The following MMP2 variants were observed in gnomAD, a reference collection of about 807,000 sequenced individuals.
MMP2 encodes the protein 72 kDa type IV collagenase.
MMP2 carries 39 observed loss-of-function variants against 74.8 expected under a neutral mutation model. The ratio of observed to expected loss-of-function variants is 0.52; its 90% CI spans 0.40 to 0.68. MMP2 has a LOEUF of 0.68. Among genes scored for constraint, MMP2 ranks in the 30% least tolerant of loss-of-function variants. MMP2 has a pLI of 0.00. For missense variants in MMP2, 803 were observed against 878.3 expected (o/e 0.91, Z 1.08); for synonymous variants, 367 against 339.8 (o/e 1.08, Z -0.88).
intron 12 of MMP2, 104 bp from the exon 13 acceptor site, chr16:55,505,235 A>G: frequency 1.0e-6 from 1 of 994,882 alleles, no homozygotes; most frequent in Non-Finnish European, 1.6e-6. Flanking sequence ...TCTCGTTTAA[A>G]AGCTTCTTCC....
rs1215759211 is a variant in MMP2 at position 55,489,715 on chromosome 16, C to G, written c.1071C>G (p.Gly357=). ...GTGTCTTCCCCTTCACTTTCCTGGG[C>G]AACAAATATGAGAGCTGCACCAGCG... ...APCVFPFTFL[G]NKYESCTSAG... is the part of the protein sequence containing the mutation. The change falls in exon 7 of 13, where the codon GGC becomes GGG. Residue 357 remains glycine, a synonymous_variant. Coordinates refer to ENST00000219070, the MANE Select transcript of MMP2 (RefSeq NM_004530.6). 11 of 1,613,980 alleles carry G rather than the reference C, an allele frequency of 6.8e-6. No individual in the cohort carries two copies. The South Asian group carries it at 1.1e-4, about 16-fold the overall frequency.
At chr16:55,499,217 A>T (rs1044872894) in intron 11 of MMP2, among the ~76,000 whole-genome samples, 6 of 152,032 alleles carry the variant, frequency 3.9e-5, no homozygotes, top group Admixed American at 6.6e-5. Flanking sequence ...GCTTGGAGTC[A>T]CATAGCCAGG....
At chr16:55,498,555 C>A in intron 11 of MMP2, 107 bp downstream of exon 11, 1 of 1,435,940 alleles carries the variant, frequency 7.0e-7, no homozygotes, top group Non-Finnish European at 9.8e-7. Flanking sequence ...TTGGTGGGCT[C>A]TGGATGCCCT....
At chr16:55,505,229 G>A (rs1056262661) in intron 12 of MMP2, 110 bp from the exon 13 acceptor site, 30 of 954,472 alleles carry the variant, frequency 3.1e-5, no homozygotes, top group Middle Eastern at 2.1e-4. Flanking sequence ...CTCTCTTCTC[G>A]TTTAAAAGCT....
In MMP2 at chr16:55,498,286, C is replaced by T; in HGVS notation, c.1610-3C>T. The T allele has an allele frequency of 6.2e-7, 1 of 1,614,082 alleles. No individual in the cohort carries two copies. The highest frequency in any genetic ancestry group is 8.5e-7 in the Non-Finnish European group (1 of 1,180,012). ...GCCAACACACCCTTTGCTTCCACCC[C>T]AGGGAATGAATACTGGATCTACTCA... is the stretch of plus-strand genomic sequence containing the variant. On this transcript the variant is annotated splice_region_variant and splice_polypyrimidine_tract_variant and intron_variant, in intron 10 of 12. Transcript: ENST00000219070.
At chr16:55,487,264 T>C (rs1962282403) in intron 5 of MMP2, 1 of 152,250 alleles carries the variant, frequency 6.6e-6, no homozygotes, top group South Asian at 2.1e-4. Flanking sequence ...CAGAGATTGT[T>C]GTTACTCAGC....
intron 11 of MMP2, among the ~76,000 whole-genome samples, chr16:55,500,934 A>G (rs889736832): frequency 6.6e-6 from 1 of 152,196 alleles, no homozygotes; most frequent in Non-Finnish European, 1.5e-5. Flanking sequence ...CCACAAATAT[A>G]TGTTCCACAT....
intron 6 of MMP2, 39 bp downstream of exon 6, chr16:55,488,755 C>A (rs759051585): frequency 6.4e-7 from 1 of 1,553,706 alleles, no homozygotes; most frequent in South Asian, 1.2e-5. Context: ...GGGCCCAGCA[C>A]CTGCTGTCTG....
At chr16:55,503,496 T>C (rs929614387) in intron 12 of MMP2, among the ~76,000 whole-genome samples, 20 of 150,446 alleles carry the variant, frequency 1.3e-4, no homozygotes, top group Middle Eastern at 3.5e-3. Flanking sequence ...TCAACTAAAT[T>C]CCACAGATTT....
chr16:55,499,603 G>A (rs1293934559), intron 11 of MMP2, among the ~76,000 whole-genome samples: 1 of 152,214 alleles, frequency 6.6e-6, no homozygotes, highest in Non-Finnish European at 1.5e-5. Context: ...ATATCCAGGA[G>A]TGGCTGGTGA....
chr16:55,483,605 G>A (rs556283375), intron 2 of MMP2, among the ~76,000 whole-genome samples: 7 of 152,298 alleles, frequency 4.6e-5, no homozygotes, highest in Admixed American at 6.5e-5. Context: ...ATTGGGCCAA[G>A]AGCTGTGCTC....
At chr16:55,493,485 C>T (rs575815262) in intron 9 of MMP2, among the ~76,000 whole-genome samples, 192 bp downstream of exon 9, 1 of 152,196 alleles carries the variant, frequency 6.6e-6, no homozygotes, top group Non-Finnish European at 1.5e-5. Flanking sequence ...TTTGTTTGCT[C>T]TCTCATAGTC....
At chr16:55,500,491 GCATACA>G (rs1183456411) in intron 11 of MMP2, among the ~76,000 whole-genome samples, 1 of 49,300 alleles carries the variant, frequency 2.0e-5, no homozygotes, top group Admixed American at 2.2e-4. Context: ...GCGCATGTGC[GCATACA>G]CACACACACA....
Position 55,505,754 on chromosome 16 carries a change from C to T in MMP2, c.*312C>T, listed in dbSNP as rs1962785980. On this transcript the variant is annotated 3_prime_UTR_variant, in exon 13 of 13. Coordinates refer to ENST00000219070, the MANE Select transcript of MMP2 (RefSeq NM_004530.6). ...TTTGGGCTGCCCTGGTGCTGCCACA[C>T]TTCAGGCTCTTCTCCTTTCACAACC... 2.3e-6 allele frequency: 1 copy of T among 427,474 alleles called. No homozygotes were observed. The highest frequency in any genetic ancestry group is 3.6e-5 in the Admixed American group (1 of 28,062). The allele number at this position is 427,474 out of a possible 1,614,324, so 26.5% of individuals were successfully genotyped here.
chr16:55,502,391 A>T (rs1194320590), intron 11 of MMP2, among the ~76,000 whole-genome samples: 1 of 152,216 alleles, frequency 6.6e-6, no homozygotes, highest in East Asian at 1.9e-4. Context: ...GAGGCTCTGC[A>T]TGTGCTGTTT....
In MMP2 at chr16:55,489,736, C is replaced by G; in HGVS notation, c.1092C>G (p.Thr364=). The part of the protein sequence containing the change: ...TFLGNKYESC[T]SAGRSDGKMW... ...TGGGCAACAAATATGAGAGCTGCAC[C>G]AGCGCCGGCCGCAGTGACGGAAAGA... Residue 364 remains threonine, a synonymous_variant, in exon 7 of 13, where the codon ACC becomes ACG. Transcript: ENST00000219070. The G allele has an allele frequency of 6.2e-7, 1 of 1,614,156 alleles. No individual in the cohort carries two copies. Among genetic ancestry groups the G allele is most frequent in the Non-Finnish European group, 8.5e-7 (1 of 1,180,038 alleles).
At chr16:55,493,438 A>G (rs1962463519) in intron 9 of MMP2, 145 bp downstream of exon 9, 2 of 1,150,506 alleles carry the variant, frequency 1.7e-6, no homozygotes, top group African/African-American at 1.5e-5. Flanking sequence ...TGTGTATCAA[A>G]CAACCTCCAG....
intron 7 of MMP2, 23 bp from the exon 8 acceptor site, chr16:55,491,778 T>C: frequency 1.9e-6 from 3 of 1,614,064 alleles, no homozygotes; most frequent in South Asian, 1.1e-5. Flanking sequence ...CTTTCAACCC[T>C]CTCTCCTCCC....
At chr16:55,491,117 TGCAGTG>T (rs1409266349) in intron 7 of MMP2, among the ~76,000 whole-genome samples, 1 of 150,668 alleles carries the variant, frequency 6.6e-6, no homozygotes, top group Non-Finnish European at 1.5e-5. Context: ...CCAGCTGGAG[TGCAGTG>T]GCATGATCTC....
Sources: allele counts gnomAD v4.1 joint callset (sites outside exome capture counted in the v4.1 genomes callset), GRCh38; gene constraint gnomAD v4.1.1; transcripts MANE v1.5; gene names NCBI Gene and HGNC (gene_info 2026-07-23, HGNC 2026-07-21).